The following AKAP6 variants were observed in gnomAD, a reference collection of about 807,000 sequenced individuals.
AKAP6 encodes the protein A-kinase anchoring protein 6.
In AKAP6, 58 loss-of-function variants were observed where a neutral mutation model predicts 188.5. The observed-to-expected ratio is 0.31, with a 90% CI of 0.25 to 0.38. The LOEUF (loss-of-function observed/expected upper bound fraction) is 0.38, where lower values mean the gene tolerates loss of function less well. Ranked by LOEUF, AKAP6 falls within the 10% of genes least tolerant of loss-of-function variation. AKAP6 has a pLI of 1.00. For missense variants in AKAP6, 2,710 were observed against 2,740.0 expected, an observed-to-expected ratio of 0.99 and a Z score of 0.24; for synonymous variants, 989 against 998.6, an observed-to-expected ratio of 0.99 and a Z score of 0.18.
At chr14:32,496,768 A>G (rs955603172) in intron 2 of AKAP6, among the ~76,000 whole-genome samples, 3 of 152,166 alleles carry the variant, frequency 2.0e-5, no homozygotes, top group Non-Finnish European at 2.9e-5. Context: ...GCAATTTTGT[A>G]TGGCTCAACC....
chr14:32,574,959 T>C (rs944751247), intron 4 of AKAP6, among the ~76,000 whole-genome samples: 2 of 152,136 alleles, frequency 1.3e-5, no homozygotes, highest in African/African-American at 2.4e-5. Context: ...TTATTTCTGC[T>C]CACAGATTTA....
intron 13 of AKAP6, among the ~76,000 whole-genome samples, chr14:32,828,994 AT>A (rs1364478620): frequency 6.6e-6 from 1 of 152,220 alleles, no homozygotes; most frequent in Non-Finnish European, 1.5e-5. Flanking sequence ...AAACAACCTG[AT>A]ATGAGAAATC....
At chr14:32,374,999 G>T (rs1483619855) in intron 1 of AKAP6, among the ~76,000 whole-genome samples, 2 of 152,178 alleles carry the variant, frequency 1.3e-5, no homozygotes, top group East Asian at 3.8e-4. Context: ...TAGTGTGGAG[G>T]ATCAACTGGA....
At chr14:32,746,959 T>C (rs1029763891) in intron 11 of AKAP6, among the ~76,000 whole-genome samples, 1 of 152,156 alleles carries the variant, frequency 6.6e-6, no homozygotes, top group African/African-American at 2.4e-5. Flanking sequence ...AAATTAACAA[T>C]AAAATGTGCA....
At chr14:32,718,195 T>A in intron 9 of AKAP6, 1 of 763,046 alleles carries the variant, frequency 1.3e-6, no homozygotes, top group Non-Finnish European at 1.6e-6. Flanking sequence ...ATGTATCAAT[T>A]TTTTATCTGT....
At position 32,471,393 on chromosome 14, in the gene AKAP6, C is replaced by T. The variant is rs185092046; in HGVS notation, c.324+37576C>T. Among the ~76,000 whole-genome samples the T allele has an allele frequency of 5.9e-5, 9 of 152,262 alleles. No homozygotes were observed. In the East Asian group the frequency reaches 1.7e-3, roughly 29 times the overall value. On this transcript the variant is annotated intron_variant, in intron 2 of 13. Coordinates refer to ENST00000280979, the MANE Select transcript of AKAP6 (RefSeq NM_004274.5). ...CTGATCCATGACCAGTTCTGTAATG[C>T]GTTTATGGACGGTGGTAGTAATAAG...
chr14:32,726,735 A>G (rs181353273), intron 9 of AKAP6, among the ~76,000 whole-genome samples: 2 of 152,366 alleles, frequency 1.3e-5, no homozygotes, highest in Admixed American at 6.5e-5. Context: ...CACCCACTTC[A>G]TTAGAATAAA....
chr14:32,632,696 A>G (rs992075421), intron 7 of AKAP6, among the ~76,000 whole-genome samples: 5 of 152,102 alleles, frequency 3.3e-5, no homozygotes, highest in South Asian at 2.1e-4. Flanking sequence ...CTTGAAAGCT[A>G]TAAATGACGA....
chr14:32,574,467 A>T (rs1185003233), intron 4 of AKAP6, among the ~76,000 whole-genome samples: 4 of 152,188 alleles, frequency 2.6e-5, no homozygotes, highest in African/African-American at 9.7e-5. Flanking sequence ...AGGAAACCTG[A>T]CACATTGTTT....
intron 2 of AKAP6, among the ~76,000 whole-genome samples, chr14:32,529,667 G>A (rs971900774): frequency 6.6e-6 from 1 of 152,038 alleles, no homozygotes; most frequent in African/African-American, 2.4e-5. Context: ...TTACTGAGAG[G>A]GATAGTTCAC....
At chr14:32,648,383 G>A (rs777190550) in intron 7 of AKAP6, among the ~76,000 whole-genome samples, 29 of 152,012 alleles carry the variant, frequency 1.9e-4, no homozygotes, top group Non-Finnish European at 4.1e-4. Context: ...TAATAATAGC[G>A]GTGATCATTT....
At chr14:32,360,213 C>T (rs138825060) in intron 1 of AKAP6, among the ~76,000 whole-genome samples, 9,622 of 151,738 alleles carry the variant, frequency 0.063, 406 homozygotes, top group Non-Finnish European at 0.082. Flanking sequence ...TTGCAACCTC[C>T]GCCTCGTGGG....
intron 5 of AKAP6, among the ~76,000 whole-genome samples, chr14:32,596,008 G>A (rs1462463793): frequency 6.6e-6 from 1 of 152,174 alleles, no homozygotes; most frequent in Admixed American, 6.6e-5. Context: ...GACCAGAAAA[G>A]ACTCTCTTTT....
chr14:32,571,792 A>G lies in AKAP6; in HGVS notation c.2347-5328A>G, dbSNP rs182305385. Among the ~76,000 whole-genome samples the G allele has an allele frequency of 2.8e-4, 42 of 152,316 alleles. 2 individuals are homozygous for G. Among genetic ancestry groups the G allele is most frequent in the Admixed American group, 2.7e-3 (42 of 15,288 alleles). ...AACTGCCTTCTGAGAACTAAGGGCCATGTCCTCTGTGATTAAACTGAGTCA... is the reference window on the plus strand; with the variant it reads ...AACTGCCTTCTGAGAACTAAGGGCCGTGTCCTCTGTGATTAAACTGAGTCA... On this transcript the variant is annotated intron_variant, in intron 4 of 13. Coordinates refer to ENST00000280979, the MANE Select transcript of AKAP6 (RefSeq NM_004274.5).
intron 11 of AKAP6, among the ~76,000 whole-genome samples, chr14:32,765,696 A>G (rs59852059): frequency 0.026 from 3,590 of 138,358 alleles, 155 homozygotes; most frequent in African/African-American, 0.088. Context: ...AGGACATTTT[A>G]TAGCCATAAC....
intron 1 of AKAP6, among the ~76,000 whole-genome samples, chr14:32,403,954 G>A (rs552606070): frequency 3.3e-5 from 5 of 152,268 alleles, no homozygotes; most frequent in Admixed American, 2.0e-4. Context: ...TCTGCTAGGT[G>A]TAATTCTAAG....
rs763618176 is a variant in AKAP6, at chr14:32,433,805, A to G, written c.312A>G (p.Leu104=). The G allele has an allele frequency of 1.9e-6, 3 of 1,613,142 alleles. No homozygotes were observed. Among genetic ancestry groups the G allele is most frequent in the Non-Finnish European group, 1.7e-6 (2 of 1,179,714 alleles). The change falls in exon 2 of 14, where the codon CTA becomes CTG. Residue 104 remains leucine (L), a synonymous_variant. Transcript: ENST00000280979. The stretch of plus-strand genomic sequence containing the variant: ...ACAGCAAGCATGTGGATGTACATCT[A>G]GTTCAACTAAAGGTAAGGCAAGGTC... ...DSDSKHVDVH[L]VQLKDICEDI...
At chr14:32,556,743 A>G (rs1227809166) in intron 4 of AKAP6, among the ~76,000 whole-genome samples, 1 of 152,094 alleles carries the variant, frequency 6.6e-6, no homozygotes, top group East Asian at 1.9e-4. Context: ...TGATGCATCA[A>G]GTTTTTAAGT....
intron 1 of AKAP6, among the ~76,000 whole-genome samples, chr14:32,395,199 G>A (rs1284173453): frequency 1.3e-5 from 2 of 152,100 alleles, no homozygotes; most frequent in African/African-American, 2.4e-5. Flanking sequence ...ACCTCTGAAA[G>A]CACATGAGAA....
Sources: gnomAD v4.1 joint callset for allele counts (sites outside exome capture counted in the v4.1 genomes callset) on GRCh38, gnomAD v4.1.1 for gene constraint, MANE v1.5 for transcripts, NCBI Gene and HGNC (gene_info 2026-07-23, HGNC 2026-07-21) for gene names.